The following RBM33 variants were observed in gnomAD, a reference collection of about 807,000 sequenced individuals.
RBM33 encodes the protein RNA-binding protein 33.
In RBM33, 28 loss-of-function variants were observed where a neutral mutation model predicts 132.6. That is an observed-to-expected ratio of 0.21 (90% CI 0.16 to 0.29). The LOEUF is 0.29. Ranked by LOEUF, RBM33 falls within the 10% of genes least tolerant of loss-of-function variation. The probability of loss-of-function intolerance (pLI) is 1.00; values close to 1 mark genes in which losing one functional copy is unlikely to be tolerated. For missense variants in RBM33, 1,291 were observed against 1,518.5 expected, an observed-to-expected ratio of 0.85 and a Z score of 2.49; for synonymous variants, 634 against 593.0, an observed-to-expected ratio of 1.07 and a Z score of -1.01.
Position 155,775,496 on chromosome 7 carries a change from C to A in RBM33, c.*455C>A. The stretch of plus-strand genomic sequence containing the variant: ...AGAGTCTTCTCAACCAAGCTTAACT[C>A]GAGTTGTCTTCTCAGCCCTCAAAAG... On this transcript the variant is annotated 3_prime_UTR_variant, in exon 18 of 18. Coordinates refer to ENST00000401878, the MANE Select transcript of RBM33 (RefSeq NM_053043.3). 1 of 200,052 alleles carries A rather than the reference C, an allele frequency of 5.0e-6. No homozygotes were observed. The highest frequency in any genetic ancestry group is 1.1e-5 in the Non-Finnish European group (1 of 94,814). The allele number at this position is 200,052 out of a possible 1,614,324, so 12.4% of individuals were successfully genotyped here.
intron 1 of RBM33, among the ~76,000 whole-genome samples, chr7:155,645,699 G>A (rs769353461): frequency 6.6e-6 from 1 of 152,236 alleles, no homozygotes; most frequent in Non-Finnish European, 1.5e-5. Flanking sequence ...ATACTTGAAA[G>A]TGACTTTTTA....
chr7:155,778,094 G>C lies in RBM33; in HGVS notation c.*3053G>C, dbSNP rs1802680394. ...AAGAGTAAATCTCATCATTTTTCCA[G>C]ACAAATTTTGAGGGGTTTCTCTGTT... is the stretch of plus-strand genomic sequence containing the variant. On this transcript the variant is annotated 3_prime_UTR_variant, in exon 18 of 18. Transcript: ENST00000401878. This position sits in a 1 kb window ranked among gnomAD's most constrained non-coding sequence, Gnocchi z 4.0. 1 of 152,588 alleles carries C rather than the reference G, an allele frequency of 6.6e-6. No individual in the cohort carries two copies. Among genetic ancestry groups the C allele is most frequent in the African/African-American group, 2.4e-5 (1 of 41,424 alleles). 9.5% of individuals were successfully genotyped at this position (152,588 alleles called of 1,614,324 possible). A position where few individuals can be genotyped will look rare whatever the true frequency, so the allele number is the denominator to read the frequency against.
intron 5 of RBM33, among the ~76,000 whole-genome samples, chr7:155,683,260 T>C (rs1204604919): frequency 2.0e-5 from 3 of 152,208 alleles, no homozygotes; most frequent in Non-Finnish European, 2.9e-5. Flanking sequence ...GGTACTCTTA[T>C]CTTGCTCGGC....
chr7:155,746,627 C>G (rs960449992), intron 14 of RBM33: 15 of 152,220 alleles, frequency 9.9e-5, no homozygotes, highest in Non-Finnish European at 1.6e-4. Context: ...CTGTAGAACA[C>G]TTGCTTCTTT....
At chr7:155,740,325 G>A (rs1439165632) in intron 12 of RBM33, among the ~76,000 whole-genome samples, 1 of 152,156 alleles carries the variant, frequency 6.6e-6, no homozygotes, top group Non-Finnish European at 1.5e-5. Flanking sequence ...TAATAGACAC[G>A]TAACTTTAGA....
intron 14 of RBM33, among the ~76,000 whole-genome samples, chr7:155,757,114 AG>A (rs1801876842): frequency 6.6e-6 from 1 of 151,708 alleles, no homozygotes; most frequent in Non-Finnish European, 1.5e-5. Context: ...CCACTAATAA[AG>A]TAAAATTTGA....
intron 1 of RBM33, among the ~76,000 whole-genome samples, chr7:155,653,320 A>G (rs1798405637): frequency 6.6e-6 from 1 of 152,186 alleles, no homozygotes. Flanking sequence ...ATTTCTAAAT[A>G]AGGCCACATT....
intron 2 of RBM33, among the ~76,000 whole-genome samples, chr7:155,670,866 ACTTAT>A (rs966152285): frequency 1.3e-5 from 2 of 152,192 alleles, no homozygotes; most frequent in Non-Finnish European, 2.9e-5. Flanking sequence ...TGATACACTT[ACTTAT>A]CTTTTTAAAA....
At chr7:155,718,362 A>G in intron 8 of RBM33, 23 bp from the exon 9 acceptor site, 2 of 1,609,974 alleles carry the variant, frequency 1.2e-6, no homozygotes, top group Admixed American at 1.7e-5. Context: ...GTGTGTCTCT[A>G]ACACAAGGGG....
chr7:155,735,752 G>A (rs1284436643), intron 9 of RBM33, among the ~76,000 whole-genome samples: 1 of 150,474 alleles, frequency 6.6e-6, no homozygotes, highest in East Asian at 2.0e-4. Flanking sequence ...CCTCTCTCAG[G>A]AAAAGAGATC....
chr7:155,734,827 C>T lies in RBM33; in HGVS notation c.1261-2703C>T, dbSNP rs58431129. ...GTGGGTTGGAAACAGTGTGATCAGT[C>T]AAACCTCTCTGCAAGCAGAGGCAGG... On this transcript the variant is annotated intron_variant, in intron 9 of 17. Coordinates refer to ENST00000401878, the MANE Select transcript of RBM33 (RefSeq NM_053043.3). 0.016 allele frequency among the ~76,000 whole-genome samples: 2,507 copies of T among 152,200 alleles called. 151 individuals are homozygous for T. The East Asian group carries it at 0.23, about 14-fold the overall frequency.
intron 7 of RBM33, among the ~76,000 whole-genome samples, chr7:155,708,603 G>A (rs1800185995): frequency 1.3e-5 from 2 of 152,208 alleles, no homozygotes; most frequent in Admixed American, 6.5e-5. Flanking sequence ...ATATTCAGTT[G>A]TCCTCAATCC....
chr7:155,732,627 A>G (rs1479995051), intron 9 of RBM33, among the ~76,000 whole-genome samples: 5 of 152,216 alleles, frequency 3.3e-5, no homozygotes, highest in Non-Finnish European at 5.9e-5. Context: ...GAATTTATAT[A>G]TATTTTTAAC....
Position 155,768,417 on chromosome 7 carries a change from C to T in RBM33, c.3375+1762C>T, listed in dbSNP as rs79001079. Among the ~76,000 whole-genome samples the T allele has an allele frequency of 6.3e-3, 962 of 152,248 alleles. 15 individuals are homozygous for T. Among genetic ancestry groups the T allele is most frequent in the African/African-American group, 0.021 (892 of 41,516 alleles). On this transcript the variant is annotated intron_variant, in intron 16 of 17. Transcript: ENST00000401878. ...TCCTTCCATTTGCTTCCATTTCCTT[C>T]GAGTGCTGGGATTACAGGCGTGAGC...
intron 9 of RBM33, among the ~76,000 whole-genome samples, chr7:155,721,138 CGTA>C (rs34554513): frequency 0.28 from 42,006 of 151,814 alleles, 6,788 homozygotes; most frequent in African/African-American, 0.45. Context: ...AAGCTGTGCT[CGTA>C]GTAGTGCATA....
At chr7:155,757,612 G>C (rs933407060) in intron 14 of RBM33, among the ~76,000 whole-genome samples, 1 of 152,162 alleles carries the variant, frequency 6.6e-6, no homozygotes, top group African/African-American at 2.4e-5. Flanking sequence ...TGTGACTGAA[G>C]TTTGTTTAAT....
chr7:155,764,019 G>A lies in RBM33; in HGVS notation c.3186+1G>A. The A allele has an allele frequency of 6.5e-7, 1 of 1,527,700 alleles. No individual in the cohort carries two copies. Among genetic ancestry groups the A allele is most frequent in the Non-Finnish European group, 8.8e-7 (1 of 1,136,108 alleles). The allele number at this position is 1,527,700 out of a possible 1,614,324, so 94.6% of individuals were successfully genotyped here. A position where few individuals can be genotyped will look rare whatever the true frequency, so the allele number is the denominator to read the frequency against. On this transcript the variant is annotated splice_donor_variant, in intron 15 of 17. Coordinates refer to ENST00000401878, the MANE Select transcript of RBM33 (RefSeq NM_053043.3). LOFTEE classifies it high-confidence loss of function. ...CCAAGGAATTCACCCGGCGAAGAAG[G>A]TACTGCTTGTTGCCTCGCACGCAGC...
At chr7:155,723,464 C>T (rs1037559847) in intron 9 of RBM33, among the ~76,000 whole-genome samples, 4 of 152,174 alleles carry the variant, frequency 2.6e-5, no homozygotes, top group Non-Finnish European at 4.4e-5. Flanking sequence ...TTAAAATGCA[C>T]GTGACATAAT....
At chr7:155,681,949 CTT>C (rs990333610) in intron 5 of RBM33, among the ~76,000 whole-genome samples, 1 of 150,310 alleles carries the variant, frequency 6.7e-6, no homozygotes, top group Non-Finnish European at 1.5e-5. Flanking sequence ...TAGACGGACT[CTT>C]GGTTTGTCGC....
Sources: gnomAD v4.1 joint callset for allele counts (sites outside exome capture counted in the v4.1 genomes callset) on GRCh38, gnomAD v4.1.1 for gene constraint, Gnocchi (gnomAD v3.1) non-coding constraint, MANE v1.5 for transcripts, NCBI Gene and HGNC (gene_info 2026-07-23, HGNC 2026-07-21) for gene names.